GPSM1: variants seen among roughly 807,000 people sequenced by gnomAD.
The protein encoded by GPSM1 is G protein signaling modulator 1, also known as G protein-signaling modulator 1.
Under a neutral mutation model 70.5 loss-of-function variants are expected in GPSM1, and 48 were observed. That is an observed-to-expected ratio of 0.68 (90% CI 0.54 to 0.87). The LOEUF is 0.87. GPSM1 is among the 40% of genes least tolerant of loss of function. GPSM1 has a pLI of 0.00. For synonymous variants in GPSM1, 416 were observed against 430.1 expected (o/e 0.97, Z 0.41); for missense variants, 981 against 972.6 (o/e 1.01, Z -0.11).
chr9:136,357,129 G>A (rs1319952902), intron 13 of GPSM1, among the ~76,000 whole-genome samples: 1 of 152,216 alleles, frequency 6.6e-6, no homozygotes, highest in African/African-American at 2.4e-5. Flanking sequence ...GCCAGGTAGG[G>A]TGGCCGGAGT....
chr9:136,337,188 T>G (rs1239909669), intron 4 of GPSM1, 116 bp downstream of exon 4: 2 of 1,116,654 alleles, frequency 1.8e-6, no homozygotes, highest in East Asian at 2.6e-5. Context: ...CCCAGGGCAG[T>G]GACGGCCAGG....
chr9:136,346,137 C>T (rs887789890), intron 9 of GPSM1, among the ~76,000 whole-genome samples: 11 of 152,220 alleles, frequency 7.2e-5, no homozygotes, highest in East Asian at 1.9e-4. Context: ...TGCCTCTGGC[C>T]GCACAGGTTT....
intron 4 of GPSM1, 60 bp from the exon 5 acceptor site, chr9:136,337,381 C>T: frequency 6.5e-7 from 1 of 1,550,146 alleles, no homozygotes; most frequent in Non-Finnish European, 8.7e-7. Context: ...GCTCTTCTAG[C>T]CTGGGGTGGG....
At chr9:136,332,306 T>C (rs1000665795) in intron 1 of GPSM1, 3 of 397,472 alleles carry the variant, frequency 7.5e-6, no homozygotes, top group African/African-American at 6.2e-5. Flanking sequence ...GGATCCCAGA[T>C]TGGAGGTGCA....
chr9:136,343,292 C>T lies in GPSM1; in HGVS notation c.1207+2299C>T, dbSNP rs927954273. On this transcript the variant is annotated intron_variant, in intron 9 of 13. Coordinates refer to ENST00000440944, the MANE Select transcript of GPSM1 (RefSeq NM_001145638.3). The surrounding 1 kb of genome is among the most constrained non-coding windows in gnomAD (Gnocchi z 6.0). ...ACCCCAGCAAGGGTGCCAGGCAGGA[C>T]GGAGGCTCTGCTGCCACTCTTGGTG... 1.3e-5 allele frequency among the ~76,000 whole-genome samples: 2 copies of T among 151,678 alleles called. No homozygotes were observed. Among genetic ancestry groups the T allele is most frequent in the Admixed American group, 1.3e-4 (2 of 15,256 alleles).
At chr9:136,330,863 G>T (rs1487247228) in intron 1 of GPSM1, among the ~76,000 whole-genome samples, 1 of 152,182 alleles carries the variant, frequency 6.6e-6, no homozygotes, top group Non-Finnish European at 1.5e-5. Flanking sequence ...GACGAGGACT[G>T]GGCAAGGGAG....
chr9:136,349,751 C>T lies in GPSM1; in HGVS notation c.1443C>T (p.His481=), dbSNP rs782712753. The change falls in exon 11 of 14, where the codon CAC becomes CAT. Residue 481 remains histidine, a synonymous_variant. Transcript: ENST00000440944. The stretch of plus-strand genomic sequence containing the variant: ...TGGACAGCGCCGACGTCCGGGTGCA[C>T]GTGCCACGCACGGTAGGCGTCTTTG... The part of the protein sequence containing the change: ...SPLDSADVRV[H]VPRTSIPRAP... 29 of 1,580,742 alleles carry T rather than the reference C, an allele frequency of 1.8e-5. No individual in the cohort carries two copies. The highest frequency in any genetic ancestry group is 2.3e-5 in the East Asian group (1 of 43,574).
intron 7 of GPSM1, among the ~76,000 whole-genome samples, chr9:136,339,499 T>C (rs1413521214): frequency 6.6e-6 from 1 of 152,212 alleles, no homozygotes; most frequent in East Asian, 1.9e-4. Flanking sequence ...GCAGAGCTGA[T>C]TGGGGCTTAT....
In GPSM1 at chr9:136,337,975, A is replaced by G. The variant is rs782810785; in HGVS notation, c.818+14A>G. ...CGAGTACTACAAGTAGGTGGTCCCCACAATCTCCCAGGGAGACAGCAGGCC... is the reference window on the plus strand; with the variant it reads ...CGAGTACTACAAGTAGGTGGTCCCCGCAATCTCCCAGGGAGACAGCAGGCC... On this transcript the variant is annotated intron_variant, in intron 6 of 13. Transcript: ENST00000440944. 6.5e-7 allele frequency: 1 copy of G among 1,543,326 alleles called. No homozygotes were observed. The highest frequency in any genetic ancestry group is 1.1e-5 in the South Asian group (1 of 88,344).
In GPSM1 at chr9:136,340,432, TCCC is replaced by T. The variant is rs1290018005; in HGVS notation, c.1084-434_1084-432del. 1.3e-5 allele frequency among the ~76,000 whole-genome samples: 2 copies of T among 151,212 alleles called. No individual in the cohort carries two copies. The highest frequency in any genetic ancestry group is 4.9e-5 in the African/African-American group (2 of 41,072). On this transcript the variant is annotated intron_variant, in intron 8 of 13. Coordinates refer to ENST00000440944, the MANE Select transcript of GPSM1 (RefSeq NM_001145638.3). This position sits in a 1 kb window ranked among gnomAD's most constrained non-coding sequence, Gnocchi z 7.3. ...GGCCTTCCAGGGCTCCATGTGGCCC[TCCC>T]CCCAACCCCATGCCACCTCTCTTCT...
intron 9 of GPSM1, among the ~76,000 whole-genome samples, chr9:136,347,996 G>A (rs117299085): frequency 0.048 from 7,342 of 152,250 alleles, 233 homozygotes; most frequent in Non-Finnish European, 0.073. Flanking sequence ...CCAGGGGCCC[G>A]GGACAGGCAC....
chr9:136,348,847 G>A (rs559442447), intron 10 of GPSM1, 80 bp downstream of exon 10: 18 of 1,043,062 alleles, frequency 1.7e-5, no homozygotes, highest in African/African-American at 1.1e-4. Context: ...CAGAGCCACC[G>A]CCACCCACCT....
intron 9 of GPSM1, among the ~76,000 whole-genome samples, chr9:136,345,807 C>T (rs1832509853): frequency 6.6e-6 from 1 of 152,144 alleles, no homozygotes; most frequent in African/African-American, 2.4e-5. Flanking sequence ...AGGCCCCGAA[C>T]TGTGTGGGGT....
chr9:136,352,272 GTTGGTGA>G (rs1832691787), intron 11 of GPSM1, among the ~76,000 whole-genome samples: 1 of 131,760 alleles, frequency 7.6e-6, no homozygotes, highest in Non-Finnish European at 1.6e-5. Context: ...CGCCGTTGCT[GTTGGTGA>G]CACCGATGCT....
At chr9:136,334,320 G>T in intron 1 of GPSM1, 127 bp from the exon 2 acceptor site, 1 of 666,810 alleles carries the variant, frequency 1.5e-6, no homozygotes, top group Non-Finnish European at 2.6e-6. Flanking sequence ...ACTTAGGTCT[G>T]TGAGCACAGA....
intron 11 of GPSM1, among the ~76,000 whole-genome samples, chr9:136,354,484 G>C (rs1299170175): frequency 2.0e-5 from 3 of 152,270 alleles, no homozygotes; most frequent in Admixed American, 2.0e-4. Flanking sequence ...TGCGTCTCTT[G>C]TTAACTCGTT....
chr9:136,328,083 G>A (rs1832020221), intron 1 of GPSM1, among the ~76,000 whole-genome samples: 1 of 152,128 alleles, frequency 6.6e-6, no homozygotes, highest in Non-Finnish European at 1.5e-5. Flanking sequence ...GCCTGGCCCT[G>A]CCATGCCCGG....
chr9:136,329,459 A>C (rs1001293930), intron 1 of GPSM1, among the ~76,000 whole-genome samples: 40 of 152,320 alleles, frequency 2.6e-4, no homozygotes, highest in African/African-American at 9.4e-4. Flanking sequence ...CTGGAGAGCA[A>C]GACACGGAAA....
Position 136,356,208 on chromosome 9 carries a change from C to T in GPSM1, c.1613-134C>T, listed in dbSNP as rs950915731. On this transcript the variant is annotated intron_variant, in intron 12 of 13. Coordinates refer to ENST00000440944, the MANE Select transcript of GPSM1 (RefSeq NM_001145638.3). ...CTGCCTAGGCCGGTCAGCGGAGACT[C>T]CCCCAGGAGCCATGGCCCCAGCAGC... The T allele has an allele frequency of 8.2e-6, 6 of 727,468 alleles. No homozygotes were observed. In the African/African-American group the frequency reaches 9.0e-5, roughly 11 times the overall value. The allele number at this position is 727,468 out of a possible 1,614,324, so 45.1% of individuals were successfully genotyped here.
Sources: gnomAD v4.1 joint callset for allele counts (sites outside exome capture counted in the v4.1 genomes callset) on GRCh38, gnomAD v4.1.1 for gene constraint, Gnocchi (gnomAD v3.1) non-coding constraint, MANE v1.5 for transcripts, NCBI Gene and HGNC (gene_info 2026-07-23, HGNC 2026-07-21) for gene names.